The following HLA-DRB5 variants were observed in gnomAD, a reference collection of about 807,000 sequenced individuals.
HLA-DRB5 encodes DR beta-5.
HLA-DRB5 carries 11 observed loss-of-function variants against 22.4 expected under a neutral mutation model. The ratio of observed to expected loss-of-function variants is 0.49; its 90% CI spans 0.31 to 0.81. The LOEUF (loss-of-function observed/expected upper bound fraction) is 0.81, where lower values mean the gene tolerates loss of function less well. Ranked by LOEUF, HLA-DRB5 falls within the 40% of genes least tolerant of loss-of-function variation. The probability of loss-of-function intolerance (pLI) is 0.05; values close to 1 mark genes in which losing one functional copy is unlikely to be tolerated. For missense variants in HLA-DRB5, 106 were observed against 274.4 expected (o/e 0.39, Z 4.34); for synonymous variants, 57 against 106.0 (o/e 0.54, Z 2.84).
intron 5 of HLA-DRB5, 70 bp from the exon 6 acceptor site, chr6:32,517,822 G>A (rs150509458): frequency 5.9e-4 from 232 of 391,440 alleles, no homozygotes; most frequent in African/African-American, 2.1e-3. Flanking sequence ...TCTCTTTCAA[G>A]GACTCAGATG....
rs553774002 is a variant in HLA-DRB5 at position 32,520,105 on chromosome 6, A to C, written c.371-454T>G. Among the ~76,000 whole-genome samples, 21 of 46,216 alleles carry C rather than the reference A, an allele frequency of 4.5e-4. 8 individuals carry two copies. The South Asian group carries it at 0.011, about 24-fold the overall frequency. The allele number at this position is 46,216 out of a possible 152,430, so 30.3% of individuals were successfully genotyped here. ...GTTATATGAGGATTAATGCACATAA[A>C]ATATATAAAACAATGACTGAAGATA... On this transcript the variant is annotated intron_variant, in intron 2 of 5. Coordinates refer to ENST00000374975, the MANE Select transcript of HLA-DRB5 (RefSeq NM_002125.4).
intron 1 of HLA-DRB5, among the ~76,000 whole-genome samples, chr6:32,529,360 A>T (rs796402295): frequency 8.4e-5 from 4 of 47,744 alleles, no homozygotes; most frequent in African/African-American, 1.7e-4. Context: ...CATGTAGGAG[A>T]TATAGGAGCA....
At chr6:32,525,980 A>C (rs879746855) in intron 1 of HLA-DRB5, among the ~76,000 whole-genome samples, 4,472 of 40,128 alleles carry the variant, frequency 0.11, 324 homozygotes, top group Non-Finnish European at 0.14. Flanking sequence ...TTCCTTGATA[A>C]TAATGACCGA....
At chr6:32,522,824 G>A (rs115951776) in intron 1 of HLA-DRB5, among the ~76,000 whole-genome samples, 2,245 of 34,732 alleles carry the variant, frequency 0.065, 603 homozygotes, top group East Asian at 0.11. Context: ...CCTTCTGAAG[G>A]GTGACAGTTC....
At chr6:32,528,512 C>T (rs192389378) in intron 1 of HLA-DRB5, among the ~76,000 whole-genome samples, 28 of 40,132 alleles carry the variant, frequency 7.0e-4, no homozygotes, top group Middle Eastern at 0.017. Context: ...CTCCAGCACT[C>T]TTTCAATTTG....
intron 2 of HLA-DRB5, among the ~76,000 whole-genome samples, chr6:32,520,648 C>CTT (rs1768728784): frequency 1.1e-5 from 1 of 89,304 alleles, no homozygotes; most frequent in Non-Finnish European, 2.3e-5. Flanking sequence ...AGGAAAATCC[C>CTT]TAACACTAGC....
intron 1 of HLA-DRB5, among the ~76,000 whole-genome samples, chr6:32,522,505 G>C (rs112784054): frequency 0.15 from 4,303 of 28,878 alleles, 1,934 homozygotes; most frequent in Admixed American, 0.33. Context: ...CTGGGAGCCT[G>C]CACCCCAAAG....
chr6:32,529,577 C>A (rs552507937), intron 1 of HLA-DRB5, among the ~76,000 whole-genome samples: 1,009 of 45,890 alleles, frequency 0.022, 4 homozygotes, highest in Middle Eastern at 0.032. Context: ...CTGTCAGAGA[C>A]CTTGCATACA....
rs183341886 is a variant in HLA-DRB5 at position 32,523,717 on chromosome 6, T to C, written c.101-1543A>G. 1.6e-4 allele frequency among the ~76,000 whole-genome samples: 20 copies of C among 125,208 alleles called. 5 individuals carry two copies. The highest frequency in any genetic ancestry group is 6.5e-4 in the East Asian group (3 of 4,616). 82.1% of individuals were successfully genotyped at this position (125,208 alleles called of 152,430 possible). On this transcript the variant is annotated intron_variant, in intron 1 of 5. Transcript: ENST00000374975. ...TGACTAAATGGATTCAACAAGAAAG[T>C]GGTTGAATTTATGCAACTGTCTACT...
At chr6:32,524,846 C>T (rs112865401) in intron 1 of HLA-DRB5, among the ~76,000 whole-genome samples, 13,361 of 38,536 alleles carry the variant, frequency 0.35, 4,827 homozygotes, top group Non-Finnish European at 0.39. Context: ...CCAGGTAAAT[C>T]TGGATTTCCA....
chr6:32,520,742 T>A (rs138246653), intron 2 of HLA-DRB5, among the ~76,000 whole-genome samples: 2,815 of 31,002 alleles, frequency 0.091, 33 homozygotes, highest in Non-Finnish European at 0.099. Context: ...TTTAAGATGG[T>A]TTGTAAACCA....
intron 3 of HLA-DRB5, among the ~76,000 whole-genome samples, chr6:32,519,089 G>T (rs138130801): frequency 0.34 from 32,038 of 92,994 alleles, 4,415 homozygotes; most frequent in Middle Eastern, 0.45. Flanking sequence ...CCAGAGGCAG[G>T]GTCTGGAGCC....
chr6:32,525,668 T>G (rs1769522595), intron 1 of HLA-DRB5, among the ~76,000 whole-genome samples: 1 of 94,974 alleles, frequency 1.1e-5, no homozygotes, highest in Non-Finnish European at 2.2e-5. Context: ...TGATACTGGG[T>G]TTTACTTATA....
At position 32,521,966 on chromosome 6, in the gene HLA-DRB5, C is replaced by G; in HGVS notation, c.309G>C (p.Ala103=). 1 of 1,387,998 alleles carries G rather than the reference C, an allele frequency of 7.2e-7. No homozygotes were observed. 86.0% of individuals were successfully genotyped at this position (1,387,998 alleles called of 1,614,324 possible). ...QKDFLEDRRA[A]VDTYCRHNYG... Reference sequence around the variant, plus strand: ...AGTTGTGTCTGCAGTAGGTGTCCACCGCGGCGCGCCTGTCTTCCAGGAAGT... The same window carrying G: ...AGTTGTGTCTGCAGTAGGTGTCCACGGCGGCGCGCCTGTCTTCCAGGAAGT... Residue 103 remains alanine, a synonymous_variant, in exon 2 of 6, where the codon GCG becomes GCC. Coordinates refer to ENST00000374975, the MANE Select transcript of HLA-DRB5 (RefSeq NM_002125.4).
At chr6:32,519,248 T>C (rs139470622) in intron 3 of HLA-DRB5, 122 bp downstream of exon 3, 17,277 of 564,346 alleles carry the variant, frequency 0.031, 5,340 homozygotes, top group Middle Eastern at 0.096. Flanking sequence ...CCTGTGCTAA[T>C]GGAGATGAGA....
intron 1 of HLA-DRB5, among the ~76,000 whole-genome samples, chr6:32,529,022 T>G (rs1426921870): frequency 1.3e-5 from 2 of 149,192 alleles, no homozygotes; most frequent in African/African-American, 4.9e-5. Context: ...CTGGATATGA[T>G]GACAACATAG....
chr6:32,523,453 TC>T (rs199596143), intron 1 of HLA-DRB5, among the ~76,000 whole-genome samples: 1 of 45,584 alleles, frequency 2.2e-5, no homozygotes, highest in African/African-American at 8.9e-5. Context: ...AAAATAATCC[TC>T]TGGTTAAAAG....
Position 32,528,934 on chromosome 6 carries a change from C to T in HLA-DRB5, c.100+1191G>A, listed in dbSNP as rs1420578676. 2.9e-5 allele frequency among the ~76,000 whole-genome samples: 4 copies of T among 137,438 alleles called. 1 individual carries two copies. The highest frequency in any genetic ancestry group is 6.4e-5 in the Non-Finnish European group (4 of 62,580). 90.2% of individuals were successfully genotyped at this position (137,438 alleles called of 152,430 possible). Reference sequence around the variant, plus strand: ...TTACAGCCTGGGTGACAGAGCCAGGCCCTATCTCAAAAAGAAAAAAATTAT... The same window carrying T: ...TTACAGCCTGGGTGACAGAGCCAGGTCCTATCTCAAAAAGAAAAAAATTAT... On this transcript the variant is annotated intron_variant, in intron 1 of 5. Transcript: ENST00000374975.
intron 1 of HLA-DRB5, among the ~76,000 whole-genome samples, chr6:32,525,253 A>G (rs181911145): frequency 0.023 from 705 of 30,644 alleles, 131 homozygotes; most frequent in African/African-American, 0.026. Flanking sequence ...TTTGCCAACC[A>G]TAAGCCTATT....
Sources: allele counts gnomAD v4.1 joint callset (sites outside exome capture counted in the v4.1 genomes callset), GRCh38; gene constraint gnomAD v4.1.1; transcripts MANE v1.5; gene names NCBI Gene and HGNC (gene_info 2026-07-23, HGNC 2026-07-21).